The following CTCF variants were observed in gnomAD, a reference collection of about 807,000 sequenced individuals.
The protein encoded by CTCF is CCCTC-binding factor, also known as transcriptional repressor CTCF.
A neutral mutation model predicts 72.3 loss-of-function variants in CTCF; 7 were observed. The observed-to-expected ratio is 0.10, with a 90% CI of 0.06 to 0.18. CTCF has a LOEUF of 0.18. Ranked by LOEUF, CTCF falls within the 10% of genes least tolerant of loss-of-function variation. CTCF has a pLI of 1.00. For missense variants in CTCF, 516 were observed against 949.1 expected (o/e 0.54, Z 6.00); for synonymous variants, 374 against 315.8 (o/e 1.18, Z -1.95).
At chr16:67,618,673 G>C (rs2052163904) in intron 5 of CTCF, among the ~76,000 whole-genome samples, 1 of 152,172 alleles carries the variant, frequency 6.6e-6, no homozygotes, top group Non-Finnish European at 1.5e-5. Context: ...AGCAATAAGA[G>C]TTCAGTTCAC....
chr16:67,611,917 T>C (rs1442043761), intron 3 of CTCF, 34 bp from the exon 4 acceptor site: 1 of 1,594,476 alleles, frequency 6.3e-7, no homozygotes, highest in Non-Finnish European at 8.6e-7. Flanking sequence ...ACTTTGAAAC[T>C]CTGCAGCAAG....
intron 2 of CTCF, among the ~76,000 whole-genome samples, chr16:67,588,979 C>T (rs2051703450): frequency 6.6e-6 from 1 of 152,006 alleles, no homozygotes; most frequent in Admixed American, 6.6e-5. Context: ...GCGTGAGCCA[C>T]CGTGCCCAGC....
At chr16:67,604,625 G>A (rs372896228) in intron 2 of CTCF, among the ~76,000 whole-genome samples, 12 of 152,072 alleles carry the variant, frequency 7.9e-5, no homozygotes, top group African/African-American at 2.7e-4. Flanking sequence ...ACAGACATGA[G>A]CCACCATACC....
intron 1 of CTCF, chr16:67,567,876 G>C (rs1331420835): frequency 6.9e-6 from 1 of 144,492 alleles, no homozygotes; most frequent in African/African-American, 2.6e-5. Flanking sequence ...ACAGGTGTGA[G>C]CCACCATACT....
At chr16:67,574,918 A>G (rs1204400410) in intron 2 of CTCF, among the ~76,000 whole-genome samples, 2 of 151,754 alleles carry the variant, frequency 1.3e-5, no homozygotes, top group African/African-American at 4.8e-5. Flanking sequence ...CGGCCTCCCA[A>G]AGTGCTGGGA....
rs1319502555 is a variant in CTCF at position 67,617,845 on chromosome 16, AC to A, written c.1086+970del. On this transcript the variant is annotated intron_variant, in intron 5 of 11. Transcript: ENST00000264010. ...CAGAAAACTACCAAAAAGAAAACTTACCCTCAGAGAGAAGCAAAAATTCTAA... is the reference window on the plus strand; with the variant it reads ...CAGAAAACTACCAAAAAGAAAACTTACCTCAGAGAGAAGCAAAAATTCTAA... Among the ~76,000 whole-genome samples the A allele has an allele frequency of 3.3e-5, 5 of 152,196 alleles. No homozygotes were observed. In the East Asian group the frequency reaches 5.8e-4, roughly 18 times the overall value.
chr16:67,608,694 C>T (rs2052012300), intron 2 of CTCF, among the ~76,000 whole-genome samples: 1 of 151,398 alleles, frequency 6.6e-6, no homozygotes, highest in Admixed American at 6.6e-5. Flanking sequence ...AATATTATCA[C>T]CAAAAACAAA....
At chr16:67,576,822 G>T (rs1381481291) in intron 2 of CTCF, among the ~76,000 whole-genome samples, 1 of 152,106 alleles carries the variant, frequency 6.6e-6, no homozygotes, top group African/African-American at 2.4e-5. Context: ...GAGCCACCGT[G>T]CCTGGCCTTA....
intron 2 of CTCF, among the ~76,000 whole-genome samples, chr16:67,580,443 A>G (rs951470619): frequency 5.9e-5 from 9 of 152,100 alleles, no homozygotes; most frequent in African/African-American, 2.2e-4. Context: ...GCCTCAAGCA[A>G]TCCCCTCCTC....
At chr16:67,578,153 A>G (rs1320482130) in intron 2 of CTCF, among the ~76,000 whole-genome samples, 1 of 152,124 alleles carries the variant, frequency 6.6e-6, no homozygotes, top group Non-Finnish European at 1.5e-5. Context: ...CATTTAATGT[A>G]AGAACATGAG....
At chr16:67,628,140 A>G (rs985729333) in intron 8 of CTCF, among the ~76,000 whole-genome samples, 24 of 152,018 alleles carry the variant, frequency 1.6e-4, no homozygotes, top group South Asian at 8.3e-4. Context: ...GCTCATACCT[A>G]TGGTCCCATT....
At chr16:67,607,374 C>T (rs1194690081) in intron 2 of CTCF, among the ~76,000 whole-genome samples, 1 of 152,022 alleles carries the variant, frequency 6.6e-6, no homozygotes, top group Non-Finnish European at 1.5e-5. Context: ...GGCACTTTCT[C>T]AGCTCGCTGC....
At chr16:67,621,272 T>G in intron 6 of CTCF, 170 bp from the exon 7 acceptor site, 1 of 560,034 alleles carries the variant, frequency 1.8e-6, no homozygotes. Flanking sequence ...AGTTTAGGAC[T>G]TGGCCATATC....
At chr16:67,599,404 T>G (rs1288869021) in intron 2 of CTCF, among the ~76,000 whole-genome samples, 1 of 151,414 alleles carries the variant, frequency 6.6e-6, no homozygotes, top group Non-Finnish European at 1.5e-5. Flanking sequence ...CAAAGAAAAA[T>G]AAGTGGCTGA....
At chr16:67,621,826 A>G (rs2052203292) in intron 7 of CTCF, among the ~76,000 whole-genome samples, 1 of 146,464 alleles carries the variant, frequency 6.8e-6, no homozygotes, top group African/African-American at 2.6e-5. Context: ...AGTAAAACTC[A>G]TCTATAAATT....
At chr16:67,583,695 AAAAAC>A in intron 2 of CTCF, among the ~76,000 whole-genome samples, 1 of 152,094 alleles carries the variant, frequency 6.6e-6, no homozygotes, top group Admixed American at 6.6e-5. Flanking sequence ...TCAAAAAAAA[AAAAAC>A]AAAAGAGCAT....
rs1387533694 is a variant in CTCF at position 67,634,727 on chromosome 16, G to C, written c.1838-1963G>C. Among the ~76,000 whole-genome samples the C allele has an allele frequency of 4.7e-5, 7 of 147,932 alleles. No individual in the cohort carries two copies. In the East Asian group the frequency reaches 1.4e-3, roughly 30 times the overall value. The stretch of plus-strand genomic sequence containing the variant: ...TTTTCTTATTTTTTTTCCTTGAGAC[G>C]GAATCTCACTCTGTTGCCCAGGCTG... On this transcript the variant is annotated intron_variant, in intron 10 of 11. Transcript: ENST00000264010.
intron 7 of CTCF, among the ~76,000 whole-genome samples, chr16:67,626,205 C>T (rs1380141811): frequency 6.6e-6 from 1 of 151,748 alleles, no homozygotes; most frequent in Non-Finnish European, 1.5e-5. Context: ...TTTGGGAGGC[C>T]GAGGCGGGCA....
chr16:67,564,313 G>T (rs9941095), intron 1 of CTCF, among the ~76,000 whole-genome samples: 5,722 of 152,284 alleles, frequency 0.038, 354 homozygotes, highest in African/African-American at 0.13. Flanking sequence ...TTGGAGAGAA[G>T]AAAGTCTGGA....
Sources: gnomAD v4.1 joint callset for allele counts (sites outside exome capture counted in the v4.1 genomes callset) on GRCh38, gnomAD v4.1.1 for gene constraint, MANE v1.5 for transcripts, NCBI Gene and HGNC (gene_info 2026-07-23, HGNC 2026-07-21) for gene names.